Variants in RNF222 observed in about 807,000 individuals in gnomAD.
The protein encoded by RNF222 is RING finger protein LOC643904.
Under a neutral mutation model 10.8 loss-of-function variants are expected in RNF222, and 14 were observed. The ratio of observed to expected loss-of-function variants is 1.30; its 90% CI spans 0.86 to 2.03. The LOEUF is 2.03. Among genes scored for constraint, RNF222 ranks in the 30% most tolerant of loss-of-function variants. The pLI is 0.00. For missense variants in RNF222, 298 were observed against 295.8 expected (o/e 1.01, Z -0.06); for synonymous variants, 141 against 142.5 (o/e 0.99, Z 0.07).
intron 2 of RNF222, among the ~76,000 whole-genome samples, 157 bp downstream of exon 2, chr17:8,394,021 A>G (rs1431894845): frequency 6.6e-6 from 1 of 152,234 alleles, no homozygotes; most frequent in Non-Finnish European, 1.5e-5. Flanking sequence ...TGGCGGGTCC[A>G]TTGGATTTCC....
chr17:8,397,347 G>A lies in RNF222; in HGVS notation c.-178+348C>T, dbSNP rs190620839. 9.1e-3 allele frequency among the ~76,000 whole-genome samples: 1,384 copies of A among 152,230 alleles called. 21 individuals carry two copies. Among genetic ancestry groups the A allele is most frequent in the Middle Eastern group, 0.051 (15 of 294 alleles). ...GCTGGCCCAAGGGAGCTGACCTTGGGAAGCCCCAGTACTGAGCCTCCCCCA... is the reference window on the plus strand; with the variant it reads ...GCTGGCCCAAGGGAGCTGACCTTGGAAAGCCCCAGTACTGAGCCTCCCCCA... On this transcript the variant is annotated intron_variant, in intron 1 of 2. Coordinates refer to ENST00000399398, the MANE Select transcript of RNF222 (RefSeq NM_001146684.3).
chr17:8,392,592 A>C lies in RNF222; in HGVS notation c.*207T>G. 3.3e-6 allele frequency: 2 copies of C among 602,270 alleles called. No individual in the cohort carries two copies. Among genetic ancestry groups the C allele is most frequent in the Non-Finnish European group, 5.7e-6 (2 of 352,118 alleles). 37.3% of individuals were successfully genotyped at this position (602,270 alleles called of 1,614,324 possible). A position where few individuals can be genotyped will look rare whatever the true frequency, so the allele number is the denominator to read the frequency against. On this transcript the variant is annotated 3_prime_UTR_variant, in exon 3 of 3. Coordinates refer to ENST00000399398, the MANE Select transcript of RNF222 (RefSeq NM_001146684.3). The surrounding 1 kb of genome is among the most constrained non-coding windows in gnomAD (Gnocchi z 4.3). ...TCTGCTGAGGATTCACGTGGGGAAC[A>C]CGCGCCGCGCGCATGGAGTCAGCTC...
At chr17:8,397,124 G>A (rs944903006) in intron 1 of RNF222, among the ~76,000 whole-genome samples, 5 of 152,160 alleles carry the variant, frequency 3.3e-5, no homozygotes, top group Admixed American at 1.3e-4. Flanking sequence ...AGGCTGGGGC[G>A]TAGGGATTAT....
intron 2 of RNF222, 148 bp from the exon 3 acceptor site, chr17:8,393,634 G>T: frequency 8.5e-7 from 1 of 1,177,896 alleles, no homozygotes; most frequent in Non-Finnish European, 1.2e-6. Flanking sequence ...TGGCTCTTCT[G>T]CTGCTCCTCC....
In RNF222 at chr17:8,394,331, T is replaced by A. The variant is rs144044551; in HGVS notation, c.-177-2A>T. ...CCCAGAAGTCACTGGTAGCCAAGTC[T>A]GATAGGAAAGTAAATGAGTGATCAA... On this transcript the variant is annotated splice_acceptor_variant, in intron 1 of 2. Coordinates refer to ENST00000399398, the MANE Select transcript of RNF222 (RefSeq NM_001146684.3). LOFTEE classifies it low-confidence loss of function (5UTR_SPLICE). 6 of 152,298 alleles carry A rather than the reference T, an allele frequency of 3.9e-5. No homozygotes were observed. The highest frequency in any genetic ancestry group is 1.4e-4 in the African/African-American group (6 of 41,538). 9.4% of individuals were successfully genotyped at this position (152,298 alleles called of 1,614,324 possible).
Position 8,393,597 on chromosome 17 carries a change from C to T in RNF222, c.-25-111G>A, listed in dbSNP as rs1907944560. The stretch of plus-strand genomic sequence containing the variant: ...GCCCCTTATCCCCTCTCCCTGTCTT[C>T]TGCCTCCTCTCTCTTCCTCCTACTC... On this transcript the variant is annotated intron_variant, in intron 2 of 2. Transcript: ENST00000399398. The T allele has an allele frequency of 8.7e-6, 12 of 1,376,308 alleles. No homozygotes were observed. The South Asian group carries it at 1.8e-4, about 21-fold the overall frequency. The allele number at this position is 1,376,308 out of a possible 1,614,324, so 85.3% of individuals were successfully genotyped here.
intron 1 of RNF222, among the ~76,000 whole-genome samples, chr17:8,394,860 G>A (rs758242062): frequency 6.6e-6 from 1 of 152,272 alleles, no homozygotes; most frequent in Admixed American, 6.5e-5. Flanking sequence ...CCAAGTGTCC[G>A]CACTGAAAAG....
Position 8,392,911 on chromosome 17 carries a change from G to A in RNF222, c.551C>T (p.Ala184Val). The A allele has an allele frequency of 6.5e-7, 1 of 1,531,314 alleles. No homozygotes were observed. The allele number at this position is 1,531,314 out of a possible 1,614,324, so 94.9% of individuals were successfully genotyped here. Residue 184 changes from alanine to valine, a missense_variant, in exon 3 of 3, where the codon GCC (alanine) becomes GTC (valine). Transcript: ENST00000399398. The surrounding 1 kb of genome is among the most constrained non-coding windows in gnomAD (Gnocchi z 4.3). ...CCGCGATCGGCAGCAGAAGGCGCGGGCGGAGCGGGGCGCCAGGGAGGCCTC... is the reference window on the plus strand; with the variant it reads ...CCGCGATCGGCAGCAGAAGGCGCGGACGGAGCGGGGCGCCAGGGAGGCCTC... The part of the protein sequence containing the change: ...LSEASLAPRS[A>V]RAFCCRSRAL...
Position 8,391,776 on chromosome 17 carries a change from T to G in RNF222, c.*1023A>C, listed in dbSNP as rs145853268. On this transcript the variant is annotated 3_prime_UTR_variant, in exon 3 of 3. Coordinates refer to ENST00000399398, the MANE Select transcript of RNF222 (RefSeq NM_001146684.3). ...AGCTGAGGGCACCTGGGCCTCAGCA[T>G]TTCTCGGTTGAGATGGCGGCGTCCC... The G allele has an allele frequency of 1.3e-5, 2 of 152,388 alleles. No individual in the cohort carries two copies. The highest frequency in any genetic ancestry group is 1.9e-4 in the East Asian group (1 of 5,188). The allele number at this position is 152,388 out of a possible 1,614,324, so 9.4% of individuals were successfully genotyped here. A position where few individuals can be genotyped will look rare whatever the true frequency, so the allele number is the denominator to read the frequency against.
In RNF222 at chr17:8,397,678, C is replaced by T. The variant is rs1253216561; in HGVS notation, c.-178+17G>A. 2.0e-5 allele frequency: 3 copies of T among 152,414 alleles called. No homozygotes were observed. Among genetic ancestry groups the T allele is most frequent in the Non-Finnish European group, 4.4e-5 (3 of 68,228 alleles). 9.4% of individuals were successfully genotyped at this position (152,414 alleles called of 1,614,324 possible). A position where few individuals can be genotyped will look rare whatever the true frequency, so the allele number is the denominator to read the frequency against. On this transcript the variant is annotated intron_variant, in intron 1 of 2. Transcript: ENST00000399398. Reference sequence around the variant, plus strand: ...CCCCACGCCCATCCAGGCCCCTAGACTCACTTTAGCTGGGACCGGAGAGAG... The same window carrying T: ...CCCCACGCCCATCCAGGCCCCTAGATTCACTTTAGCTGGGACCGGAGAGAG...
At position 8,392,942 on chromosome 17, in the gene RNF222, G is replaced by A. The variant is rs1260960352; in HGVS notation, c.520C>T (p.Leu174Phe). ...CGGGGCGCCAGGGAGGCCTCCGAGA[G>A]CTCTGCCAGGCTGCGGCGGGGCAGC... The part of the protein sequence containing the change: ...SVLPRRSLAE[L>F]SEASLAPRSA... Residue 174 changes from leucine to phenylalanine, a missense_variant, in exon 3 of 3, where the codon CTC becomes TTC. Coordinates refer to ENST00000399398, the MANE Select transcript of RNF222 (RefSeq NM_001146684.3). The surrounding 1 kb of genome is among the most constrained non-coding windows in gnomAD (Gnocchi z 4.3). 29 of 1,525,768 alleles carry A rather than the reference G, an allele frequency of 1.9e-5. No homozygotes were observed. The East Asian group carries it at 6.1e-4, about 32-fold the overall frequency. The allele number at this position is 1,525,768 out of a possible 1,614,324, so 94.5% of individuals were successfully genotyped here. A position where few individuals can be genotyped will look rare whatever the true frequency, so the allele number is the denominator to read the frequency against.
In RNF222 at chr17:8,392,710, C is replaced by T; in HGVS notation, c.*89G>A. The T allele has an allele frequency of 6.9e-7, 1 of 1,442,672 alleles. No homozygotes were observed. The highest frequency in any genetic ancestry group is 2.6e-5 in the East Asian group (1 of 38,922). 89.4% of individuals were successfully genotyped at this position (1,442,672 alleles called of 1,614,324 possible). A position where few individuals can be genotyped will look rare whatever the true frequency, so the allele number is the denominator to read the frequency against. On this transcript the variant is annotated 3_prime_UTR_variant, in exon 3 of 3. Transcript: ENST00000399398. The surrounding 1 kb of genome is among the most constrained non-coding windows in gnomAD (Gnocchi z 4.3). ...TCCTCCCCTCTGCCTGCCCGCGTGC[C>T]CCTCGGAGCTTGGTGGCACCAGGGC...
chr17:8,392,891 A>G lies in RNF222; in HGVS notation c.571T>C (p.Ser191Pro), dbSNP rs756434951. 3.3e-6 allele frequency: 5 copies of G among 1,532,822 alleles called. No homozygotes were observed. In the East Asian group the frequency reaches 1.2e-4, roughly 38 times the overall value. The allele number at this position is 1,532,822 out of a possible 1,614,324, so 95.0% of individuals were successfully genotyped here. A position where few individuals can be genotyped will look rare whatever the true frequency, so the allele number is the denominator to read the frequency against. Reference sequence around the variant, plus strand: ...AGCGTGATGAGCAGCAGGGCCCGCGATCGGCAGCAGAAGGCGCGGGCGGAG... The same window carrying G: ...AGCGTGATGAGCAGCAGGGCCCGCGGTCGGCAGCAGAAGGCGCGGGCGGAG... ...PRSARAFCCR[S>P]RALLLITLIA... Residue 191 changes from serine to proline, a missense_variant, in exon 3 of 3, where the codon TCG (serine) becomes CCG (proline). Transcript: ENST00000399398. The surrounding 1 kb of genome is among the most constrained non-coding windows in gnomAD (Gnocchi z 4.3).
chr17:8,396,980 G>A (rs1383835387), intron 1 of RNF222, among the ~76,000 whole-genome samples: 1 of 152,178 alleles, frequency 6.6e-6, no homozygotes, highest in African/African-American at 2.4e-5. Context: ...GGGCTGGAAA[G>A]TATTCCTAGG....
Position 8,393,238 on chromosome 17 carries a change from G to A in RNF222, c.224C>T (p.Ser75Phe), listed in dbSNP as rs1907919655. 1 of 1,550,998 alleles carries A rather than the reference G, an allele frequency of 6.4e-7. No individual in the cohort carries two copies. The highest frequency in any genetic ancestry group is 1.4e-5 in the African/African-American group (1 of 73,066). The change falls in exon 3 of 3, where the codon TCC becomes TTC. Residue 75 changes from serine (S) to phenylalanine (F), a missense_variant. Transcript: ENST00000399398. ...RYVTFLSKKS[S>F]RWPSMLDKSS... is the part of the protein sequence containing the mutation. ...CTTGTCCAGCATGGAGGGCCAGCGG[G>A]AGCTCTTCTTGCTGAGGAATGTGAC...
rs1297808886 is a variant in RNF222, at chr17:8,392,470, C to T, written c.*329G>A. 4 of 319,174 alleles carry T rather than the reference C, an allele frequency of 1.3e-5. No individual in the cohort carries two copies. Among genetic ancestry groups the T allele is most frequent in the Non-Finnish European group, 2.3e-5 (4 of 171,490 alleles). The allele number at this position is 319,174 out of a possible 1,614,324, so 19.8% of individuals were successfully genotyped here. On this transcript the variant is annotated 3_prime_UTR_variant, in exon 3 of 3. Coordinates refer to ENST00000399398, the MANE Select transcript of RNF222 (RefSeq NM_001146684.3). The surrounding 1 kb of genome is among the most constrained non-coding windows in gnomAD (Gnocchi z 4.3). ...CTGGAGGGGCCCACCTGGCTTTGGG[C>T]AGGTCACCTGGCAGGTAAGGTCTGC...
chr17:8,396,380 C>T (rs1366321095), intron 1 of RNF222, among the ~76,000 whole-genome samples: 1 of 152,140 alleles, frequency 6.6e-6, no homozygotes, highest in Non-Finnish European at 1.5e-5. Flanking sequence ...AGTTAGAAAG[C>T]ACCGTCCTCC....
rs1337691559 is a variant in RNF222, at chr17:8,392,916, G to A, written c.546C>T (p.Arg182=). 4 of 1,531,336 alleles carry A rather than the reference G, an allele frequency of 2.6e-6. No individual in the cohort carries two copies. The highest frequency in any genetic ancestry group is 3.5e-6 in the Non-Finnish European group (4 of 1,144,762). The allele number at this position is 1,531,336 out of a possible 1,614,324, so 94.9% of individuals were successfully genotyped here. A position where few individuals can be genotyped will look rare whatever the true frequency, so the allele number is the denominator to read the frequency against. Residue 182 remains arginine (R), a synonymous_variant, in exon 3 of 3, where the codon CGC becomes CGT. Transcript: ENST00000399398. This position sits in a 1 kb window ranked among gnomAD's most constrained non-coding sequence, Gnocchi z 4.3. ...ATCGGCAGCAGAAGGCGCGGGCGGA[G>A]CGGGGCGCCAGGGAGGCCTCCGAGA... is the stretch of plus-strand genomic sequence containing the variant. ...AELSEASLAP[R]SARAFCCRSR... is the part of the protein sequence containing the mutation.
intron 1 of RNF222, among the ~76,000 whole-genome samples, chr17:8,396,066 TA>T (rs1257531990): frequency 1.3e-5 from 2 of 152,226 alleles, no homozygotes; most frequent in Admixed American, 1.3e-4. Flanking sequence ...TTGAAAAAGA[TA>T]TTTTTTTGAA....
Sources: allele counts gnomAD v4.1 joint callset (sites outside exome capture counted in the v4.1 genomes callset), GRCh38; gene constraint gnomAD v4.1.1; non-coding constraint Gnocchi (gnomAD v3.1); transcripts MANE v1.5; gene names NCBI Gene and HGNC (gene_info 2026-07-23, HGNC 2026-07-21).